The following BRCA2 variants were observed in gnomAD, a reference collection of about 807,000 sequenced individuals.
BRCA2 encodes breast cancer type 2 susceptibility protein.
Under a neutral mutation model 276.7 loss-of-function variants are expected in BRCA2, and 203 were observed. The observed-to-expected ratio is 0.73, with a 90% CI of 0.65 to 0.82. BRCA2 has a LOEUF of 0.82. Ranked by LOEUF, BRCA2 falls within the 40% of genes least tolerant of loss-of-function variation. The pLI is 0.00. For missense variants in BRCA2, 3,920 were observed against 3,915.0 expected (o/e 1.00, Z -0.03); for synonymous variants, 1,289 against 1,338.4 (o/e 0.96, Z 0.81).
intron 20 of BRCA2, among the ~76,000 whole-genome samples, chr13:32,371,362 G>A (rs776401221): frequency 1.3e-4 from 20 of 152,078 alleles, no homozygotes; most frequent in Middle Eastern, 6.8e-3. Context: ...TGTCATGGTA[G>A]TTATTAGCTT....
chr13:32,321,344 A>G (rs953222118), intron 3 of BRCA2, among the ~76,000 whole-genome samples: 15 of 152,312 alleles, frequency 9.8e-5, no homozygotes, highest in Middle Eastern at 6.8e-3. Flanking sequence ...TCTTGTAAGC[A>G]CATCTTGGTT....
intron 24 of BRCA2, among the ~76,000 whole-genome samples, 189 bp downstream of exon 24, chr13:32,380,334 G>A (rs1269184329): frequency 6.6e-6 from 1 of 151,952 alleles, no homozygotes; most frequent in Non-Finnish European, 1.5e-5. Context: ...TATTTCAAGG[G>A]TAACAAGTTA....
rs1131692138 is a variant in BRCA2, at chr13:32,398,683, G to C, written c.10170G>C (p.Leu3390=). ...LRLKRRCTTS[L]IKEQESSQAS... ...TGAAACGACGTTGTACTACATCTCT[G>C]ATCAAAGAACAGGAGAGTTCCCAGG... Residue 3390 remains leucine, a synonymous_variant, in exon 27 of 27, where the codon CTG becomes CTC. Coordinates refer to ENST00000380152, the MANE Select transcript of BRCA2 (RefSeq NM_000059.4). 3 of 1,614,004 alleles carry C rather than the reference G, an allele frequency of 1.9e-6. No homozygotes were observed. The highest frequency in any genetic ancestry group is 2.5e-6 in the Non-Finnish European group (3 of 1,180,022).
chr13:32,399,505 A>C lies in BRCA2; in HGVS notation c.*735A>C. 1 of 183,974 alleles carries C rather than the reference A, an allele frequency of 5.4e-6. No homozygotes were observed. The allele number at this position is 183,974 out of a possible 1,614,324, so 11.4% of individuals were successfully genotyped here. On this transcript the variant is annotated 3_prime_UTR_variant, in exon 27 of 27. Transcript: ENST00000380152. Reference sequence around the variant, plus strand: ...AAAATAGAACCCTCAGTGTAACTCTAATTCCTTTTTACTATTCCAGTGTGA... The same window carrying C: ...AAAATAGAACCCTCAGTGTAACTCTCATTCCTTTTTACTATTCCAGTGTGA...
chr13:32,382,870 T>G (rs1453852147), intron 24 of BRCA2, among the ~76,000 whole-genome samples: 2 of 152,204 alleles, frequency 1.3e-5, no homozygotes, highest in Admixed American at 6.5e-5. Context: ...TGTGGTATGG[T>G]ATCTAGAGGC....
intron 24 of BRCA2, among the ~76,000 whole-genome samples, chr13:32,393,349 G>T (rs1391449628): frequency 2.0e-5 from 3 of 152,086 alleles, no homozygotes; most frequent in Non-Finnish European, 4.4e-5. Flanking sequence ...ATTCTATAAG[G>T]AAAAGCTGTG....
intron 2 of BRCA2, 76 bp downstream of exon 2, chr13:32,316,603 G>A (rs2072263453): frequency 1.6e-6 from 2 of 1,236,612 alleles, no homozygotes; most frequent in Non-Finnish European, 2.3e-6. Context: ...TAAAAACCCA[G>A]TACGTCACAG....
chr13:32,391,367 G>A (rs1187506227), intron 24 of BRCA2, among the ~76,000 whole-genome samples: 3 of 152,312 alleles, frequency 2.0e-5, no homozygotes, highest in African/African-American at 7.2e-5. Flanking sequence ...GAGCTGGGTG[G>A]CCCTTCAGAG....
At chr13:32,371,603 T>A (rs971612137) in intron 20 of BRCA2, among the ~76,000 whole-genome samples, 3 of 152,142 alleles carry the variant, frequency 2.0e-5, no homozygotes, top group African/African-American at 4.8e-5. Flanking sequence ...ACATGTCCTA[T>A]AGAACTTACA....
At chr13:32,360,187 G>A (rs879344204) in intron 16 of BRCA2, among the ~76,000 whole-genome samples, 1 of 152,222 alleles carries the variant, frequency 6.6e-6, no homozygotes, top group African/African-American at 2.4e-5. Context: ...TAAGAGGGGA[G>A]CATGCTTGAA....
At position 32,338,808 on chromosome 13, in the gene BRCA2, ATAGT is replaced by A. The variant is rs80359449; in HGVS notation, c.4456_4459del (p.Val1486AsnfsTer5). ...CATTCTAAGTTATGAGGAAACAGAC[ATAGT>A]TAAACACAAAATACTGAAAGAAAGT... On this transcript the variant is annotated frameshift_variant, in exon 11 of 27. Transcript: ENST00000380152. LOFTEE classifies it high-confidence loss of function. 6.2e-7 allele frequency: 1 copy of A among 1,613,564 alleles called. No homozygotes were observed. The highest frequency in any genetic ancestry group is 1.3e-5 in the African/African-American group (1 of 74,932).
At position 32,331,016 on chromosome 13, in the gene BRCA2, A is replaced by G. The variant is rs1593890381; in HGVS notation, c.779A>G (p.Glu260Gly). ...VTDSENTNQREAASHGFGKTS... is the reference protein window; with the variant it reads ...VTDSENTNQRGAASHGFGKTS... ...GACAGTGAAAACACAAATCAAAGAG[A>G]AGCTGCAAGTCATGGTAAGTCCTCT... Residue 260 changes from glutamate to glycine, a missense_variant, in exon 9 of 27, where the codon GAA becomes GGA. Coordinates refer to ENST00000380152, the MANE Select transcript of BRCA2 (RefSeq NM_000059.4). The G allele has an allele frequency of 1.2e-6, 2 of 1,610,108 alleles. No homozygotes were observed. Among genetic ancestry groups the G allele is most frequent in the Non-Finnish European group, 1.7e-6 (2 of 1,176,498 alleles).
In BRCA2 at chr13:32,340,756, ATAACT is replaced by A. The variant is rs80359584; in HGVS notation, c.6405_6409del (p.Asn2135LysfsTer3). 32 of 1,605,012 alleles carry A rather than the reference ATAACT, an allele frequency of 2.0e-5. No individual in the cohort carries two copies. Among genetic ancestry groups the A allele is most frequent in the East Asian group, 6.7e-5 (3 of 44,796 alleles). On this transcript the variant is annotated frameshift_variant, in exon 11 of 27. Transcript: ENST00000380152. LOFTEE classifies it high-confidence loss of function. ...TGCAGTAAAGAATTTAAATTATCAA[ATAACT>A]TAAATGTTGAAGGTGGTTCTTCAGA...
chr13:32,379,985 A>G, intron 23 of BRCA2, 22 bp from the exon 24 acceptor site: 1 of 1,613,726 alleles, frequency 6.2e-7, no homozygotes. Flanking sequence ...CATATGTTGA[A>G]TTTTTGTTTT....
intron 21 of BRCA2, 89 bp downstream of exon 21, chr13:32,376,880 T>C: frequency 6.5e-7 from 1 of 1,534,810 alleles, no homozygotes; most frequent in East Asian, 2.4e-5. Context: ...CAGGAAGGAG[T>C]ATGTTGAAAT....
In BRCA2 at chr13:32,387,908, A is replaced by C. The variant is rs2100785; in HGVS notation, c.9257-6781A>C. Among the ~76,000 whole-genome samples, 78,344 of 151,822 alleles carry C rather than the reference A, an allele frequency of 0.52. 20,298 individuals carry two copies. The highest frequency in any genetic ancestry group is 0.57 in the East Asian group (2,937 of 5,152). ...ACTTAGAAGATTCACCCTCCTTACC[A>C]TGCCCCCTTGTCTTGTATGCAATAA... On this transcript the variant is annotated intron_variant, in intron 24 of 26. Transcript: ENST00000380152.
intron 24 of BRCA2, among the ~76,000 whole-genome samples, chr13:32,382,682 A>G (rs2072932231): frequency 6.6e-6 from 1 of 152,192 alleles, no homozygotes; most frequent in Non-Finnish European, 1.5e-5. Context: ...GAAGAAGAGA[A>G]ATGAATCAGT....
chr13:32,373,524 A>C (rs138326030), intron 20 of BRCA2, among the ~76,000 whole-genome samples: 2 of 152,064 alleles, frequency 1.3e-5, no homozygotes, highest in African/African-American at 4.8e-5. Context: ...AAATAAAAAA[A>C]AATAATAAAA....
Position 32,371,094 on chromosome 13 carries a change from C to T in BRCA2, c.8626C>T (p.His2876Tyr), listed in dbSNP as rs775860292. 6.2e-7 allele frequency: 1 copy of T among 1,613,822 alleles called. No individual in the cohort carries two copies. The change falls in exon 20 of 27, where the codon CAT becomes TAT. Residue 2876 changes from histidine to tyrosine, a missense_variant. His to Tyr is a moderately conservative substitution (Grantham distance 83). This residue lies in a region of BRCA2 where 657 missense variants were observed against 758.2 expected (regional missense o/e 0.87). Coordinates refer to ENST00000380152, the MANE Select transcript of BRCA2 (RefSeq NM_000059.4). ...TAAAATTCAGGAGGAATTTGAAGAA[C>T]ATGAAGGTAAAATTAGTTATATGGT... is the stretch of plus-strand genomic sequence containing the variant. ...FTKIQEEFEEHEENTTKPYLP... is the reference protein window; with the variant it reads ...FTKIQEEFEEYEENTTKPYLP...
Sources: gnomAD v4.1 joint callset for allele counts (sites outside exome capture counted in the v4.1 genomes callset) on GRCh38, gnomAD v4.1.1 for gene constraint, gnomAD v4.1.1 regional missense constraint, MANE v1.5 for transcripts, NCBI Gene and HGNC (gene_info 2026-07-23, HGNC 2026-07-21) for gene names.